The following DNAH14 variants were observed in gnomAD, a reference collection of about 807,000 sequenced individuals.
The protein encoded by DNAH14 is axonemal beta dynein heavy chain 14.
In DNAH14, 478 loss-of-function variants were observed where a neutral mutation model predicts 520.9. The ratio of observed to expected loss-of-function variants is 0.92; its 90% CI spans 0.85 to 0.99. The LOEUF is 0.99. Ranked by LOEUF, DNAH14 falls within the 50% of genes least tolerant of loss-of-function variation. The pLI is 0.00. For missense variants in DNAH14, 4,831 were observed against 5,234.5 expected (o/e 0.92, Z 2.38); for synonymous variants, 1,581 against 1,757.2 (o/e 0.90, Z 2.51).
intron 1 of DNAH14, among the ~76,000 whole-genome samples, chr1:224,935,013 A>T (rs1381117357): frequency 6.6e-6 from 1 of 151,864 alleles, no homozygotes; most frequent in Non-Finnish European, 1.5e-5. Flanking sequence ...TGCTCAAGGG[A>T]GTCTTAAACC....
intron 46 of DNAH14, among the ~76,000 whole-genome samples, chr1:225,260,858 T>C (rs1016122106): frequency 6.6e-6 from 1 of 152,218 alleles, no homozygotes; most frequent in Admixed American, 6.5e-5. Flanking sequence ...ATTTTCACCT[T>C]CTTGTTATAT....
chr1:225,153,597 G>A (rs2080727435), intron 33 of DNAH14, among the ~76,000 whole-genome samples, 153 bp from the exon 34 acceptor site: 1 of 152,086 alleles, frequency 6.6e-6, no homozygotes, highest in Non-Finnish European at 1.5e-5. Flanking sequence ...ATGAATGAGA[G>A]CATTAGCAGT....
chr1:225,185,107 A>G (rs1350659533), intron 36 of DNAH14, among the ~76,000 whole-genome samples, 184 bp from the exon 37 acceptor site: 1 of 151,846 alleles, frequency 6.6e-6, no homozygotes, highest in Non-Finnish European at 1.5e-5. Flanking sequence ...CACAAAATCA[A>G]TGTAAAAAAA....
At chr1:224,951,280 T>A (rs1233007291) in intron 1 of DNAH14, among the ~76,000 whole-genome samples, 4 of 152,146 alleles carry the variant, frequency 2.6e-5, no homozygotes, top group Non-Finnish European at 5.9e-5. Flanking sequence ...TCCACCTTGG[T>A]CTTCCAAAGT....
chr1:225,303,420 C>G, intron 57 of DNAH14, 73 bp downstream of exon 57: 1 of 1,358,336 alleles, frequency 7.4e-7, no homozygotes, highest in Non-Finnish European at 9.9e-7. Context: ...TGAAGAGCAA[C>G]AAACCCTAGA....
intron 68 of DNAH14, among the ~76,000 whole-genome samples, chr1:225,339,848 C>T (rs550851384): frequency 3.7e-4 from 57 of 152,256 alleles, no homozygotes; most frequent in African/African-American, 1.3e-3. Context: ...GCTGCTGACA[C>T]CACCCTGCTC....
chr1:225,067,279 C>T (rs888373906), intron 17 of DNAH14, among the ~76,000 whole-genome samples: 32 of 152,108 alleles, frequency 2.1e-4, no homozygotes, highest in African/African-American at 7.7e-4. Context: ...CATCCATGTC[C>T]CTGCACAGAA....
chr1:224,959,916 T>C (rs888482231), intron 3 of DNAH14, among the ~76,000 whole-genome samples: 2 of 152,152 alleles, frequency 1.3e-5, no homozygotes, highest in African/African-American at 4.8e-5. Flanking sequence ...ACAATTCTCA[T>C]TTCAAAGGTG....
chr1:225,147,346 A>G, intron 31 of DNAH14, 97 bp downstream of exon 31: 1 of 1,295,726 alleles, frequency 7.7e-7, no homozygotes, highest in Non-Finnish European at 1.0e-6. Flanking sequence ...ATAAGTGTTT[A>G]GGTCTTTGGG....
At chr1:225,137,605 C>T (rs1282791738) in intron 27 of DNAH14, among the ~76,000 whole-genome samples, 1 of 152,182 alleles carries the variant, frequency 6.6e-6, no homozygotes, top group African/African-American at 2.4e-5. Flanking sequence ...ATCCACCCAC[C>T]TCAGCCTCCC....
At chr1:225,385,385 C>A (rs1283035271) in intron 81 of DNAH14, among the ~76,000 whole-genome samples, 2 of 152,146 alleles carry the variant, frequency 1.3e-5, no homozygotes, top group Non-Finnish European at 2.9e-5. Flanking sequence ...CCAGCGCAGT[C>A]AGGCAAGAGA....
At position 225,204,263 on chromosome 1, in the gene DNAH14, A is replaced by G. The variant is rs1444332023; in HGVS notation, c.5967A>G (p.Pro1989=). Residue 1989 remains proline, a synonymous_variant, in exon 39 of 86, where the codon CCA becomes CCG. Transcript: ENST00000682510. ...FEEIEKVVKI[P]ENHNFDWQWI... is the part of the protein sequence containing the mutation. ...AGATAGAGAAAGTTGTTAAAATTCC[A>G]GAAAATCACAGTAAGTGTTACTAAA... The G allele has an allele frequency of 1.4e-6, 2 of 1,469,224 alleles. No homozygotes were observed. Among genetic ancestry groups the G allele is most frequent in the Admixed American group, 2.9e-5 (1 of 34,756 alleles). The allele number at this position is 1,469,224 out of a possible 1,614,324, so 91.0% of individuals were successfully genotyped here.
At chr1:225,266,884 G>C in intron 49 of DNAH14, 115 bp downstream of exon 49, 1 of 964,020 alleles carries the variant, frequency 1.0e-6, no homozygotes, top group Non-Finnish European at 1.5e-6. Flanking sequence ...TGGCCATATG[G>C]ACATGTTAAG....
At position 225,159,351 on chromosome 1, in the gene DNAH14, T is replaced by G. The variant is rs891484453; in HGVS notation, c.5311T>G (p.Leu1771Val). ...SDSLSEADET[L>V]IVIEAIREAS... ...CAGTCTTTCTGAAGCAGATGAAACC[T>G]TGATTGTTATCGAGGCTATAAGAGA... The change falls in exon 35 of 86, where the codon TTG becomes GTG. Residue 1771 changes from leucine to valine, a missense_variant. Physicochemically the swap from Leu to Val is conservative, Grantham distance 32. Coordinates refer to ENST00000682510, the MANE Select transcript of DNAH14 (RefSeq NM_001367479.1). 3 of 1,551,494 alleles carry G rather than the reference T, an allele frequency of 1.9e-6. No homozygotes were observed. Among genetic ancestry groups the G allele is most frequent in the Admixed American group, 3.9e-5 (2 of 50,870 alleles).
At chr1:224,990,667 G>T (rs1437138615) in intron 8 of DNAH14, among the ~76,000 whole-genome samples, 2 of 152,112 alleles carry the variant, frequency 1.3e-5, no homozygotes, top group Non-Finnish European at 2.9e-5. Flanking sequence ...ATTGCATATA[G>T]ATACCACATT....
chr1:225,074,210 G>A (rs1364790656), intron 17 of DNAH14, among the ~76,000 whole-genome samples: 13 of 149,266 alleles, frequency 8.7e-5, no homozygotes, highest in Non-Finnish European at 1.5e-4. Context: ...CGTTTTAGCC[G>A]GGATGGTCTC....
intron 17 of DNAH14, among the ~76,000 whole-genome samples, chr1:225,076,270 G>T (rs1346829218): frequency 1.3e-5 from 2 of 152,172 alleles, no homozygotes; most frequent in East Asian, 3.9e-4. Context: ...TGGTGCCAGG[G>T]TGGGTCTGGA....
intron 23 of DNAH14, among the ~76,000 whole-genome samples, chr1:225,106,974 T>G (rs2076113368): frequency 6.6e-6 from 1 of 152,224 alleles, no homozygotes; most frequent in African/African-American, 2.4e-5. Context: ...AGTTTCCATT[T>G]TTTCTACTCT....
At chr1:224,944,038 C>G (rs1035034644) in intron 1 of DNAH14, among the ~76,000 whole-genome samples, 5 of 152,098 alleles carry the variant, frequency 3.3e-5, no homozygotes, top group African/African-American at 7.2e-5. Flanking sequence ...GAGTTCAATT[C>G]CTGGATATCC....
Sources: gnomAD v4.1 joint callset for allele counts (sites outside exome capture counted in the v4.1 genomes callset) on GRCh38, gnomAD v4.1.1 for gene constraint, MANE v1.5 for transcripts, NCBI Gene and HGNC (gene_info 2026-07-23, HGNC 2026-07-21) for gene names.